Variants in SYTL5 observed in about 807,000 individuals in gnomAD.
SYTL5 encodes the protein synaptotagmin-like protein 5.
Under a neutral mutation model 55.9 loss-of-function variants are expected in SYTL5, and 34 were observed. That is an observed-to-expected ratio of 0.61 (90% CI 0.46 to 0.81). The LOEUF is 0.81. SYTL5 is among the 30% of genes least tolerant of loss of function. The pLI is 0.00. For missense variants in SYTL5, 637 were observed against 546.7 expected (o/e 1.17, Z -1.65); for synonymous variants, 221 against 188.7 (o/e 1.17, Z -1.40).
chrX:38,076,618 C>T lies in SYTL5; in HGVS notation c.606C>T (p.Pro202=), dbSNP rs1401332928. Reference sequence around the variant, plus strand: ...CAACCAGAGGAGAAATCATAACTCCCAAAACTGACACTGGGCGGAGCTATA... The same window carrying T: ...CAACCAGAGGAGAAATCATAACTCCTAAAACTGACACTGGGCGGAGCTATA... ...RSATRGEIIT[P]KTDTGRSYSL... The change falls in exon 6 of 17, where the codon CCC becomes CCT. Residue 202 remains proline (P), a synonymous_variant. Transcript: ENST00000297875. 8.3e-7 allele frequency: 1 copy of T among 1,208,726 alleles called. No homozygotes were observed. Among genetic ancestry groups the T allele is most frequent in the Non-Finnish European group, 1.1e-6 (1 of 893,236 alleles).
At chrX:38,010,152 A>G (rs535429366) in intron 1 of SYTL5, among the ~76,000 whole-genome samples, 1 of 112,554 alleles carries the variant, frequency 8.9e-6, no homozygotes, top group African/African-American at 3.2e-5. Context: ...GGGGATAACA[A>G]TAGTTTCTAC....
chrX:37,890,264 A>G, the SYTL5 span, among the ~76,000 whole-genome samples: 1 of 110,765 alleles, frequency 9.0e-6, no homozygotes, highest in Non-Finnish European at 1.9e-5. Flanking sequence ...AAAGGTAATC[A>G]CTCCAGCACC....
the SYTL5 span, among the ~76,000 whole-genome samples, chrX:37,911,838 T>G: frequency 8.9e-6 from 1 of 112,185 alleles, no homozygotes; most frequent in Admixed American, 9.4e-5. Context: ...GTATATTGTA[T>G]ACACACAGGT....
intron 13 of SYTL5, among the ~76,000 whole-genome samples, chrX:38,118,339 ATT>A (rs771513881): frequency 9.0e-6 from 1 of 110,648 alleles, no homozygotes; most frequent in Non-Finnish European, 1.9e-5. Context: ...AGTATTTTTA[ATT>A]TTTTTTTACT....
At chrX:38,019,101 A>C (rs1387814011) in intron 1 of SYTL5, among the ~76,000 whole-genome samples, 2 of 112,676 alleles carry the variant, frequency 1.8e-5, no homozygotes, top group African/African-American at 6.4e-5. Context: ...TCTTTCTTCA[A>C]ATAAAATCCT....
In SYTL5 at chrX:38,033,965, AAG is replaced by A; in HGVS notation, c.82_83del (p.Asp28Ter). On this transcript the variant is annotated frameshift_variant, in exon 2 of 17. Transcript: ENST00000297875. LOFTEE classifies it high-confidence loss of function. The stretch of plus-strand genomic sequence containing the variant: ...GAAGGAAATGATCCTGGGCGTCCTA[AAG>A]AGAGATGAATATTTGAAAAAAGTGG... ...HEKEMILGVL[K>X]RDEYLKKVED... The A allele has an allele frequency of 8.4e-7, 1 of 1,191,928 alleles. No individual in the cohort carries two copies. The highest frequency in any genetic ancestry group is 1.1e-6 in the Non-Finnish European group (1 of 880,937).
the SYTL5 span, among the ~76,000 whole-genome samples, chrX:37,935,931 G>C: frequency 8.9e-6 from 1 of 112,068 alleles, no homozygotes; most frequent in East Asian, 2.8e-4. Context: ...GAATTAAACA[G>C]CATAACGGAT....
chrX:37,951,699 G>T, the SYTL5 span, among the ~76,000 whole-genome samples: 1 of 111,453 alleles, frequency 9.0e-6, no homozygotes, highest in African/African-American at 3.3e-5. Context: ...AGTAAAAATT[G>T]TAAGGCAGGA....
chrX:38,095,033 T>A (rs1310040072), intron 8 of SYTL5, among the ~76,000 whole-genome samples: 3 of 111,937 alleles, frequency 2.7e-5, no homozygotes, highest in Non-Finnish European at 3.8e-5. Context: ...ATTTTGAAGC[T>A]TATGTCCCAT....
Position 38,106,696 on chromosome X carries a change from C to G in SYTL5, c.1259C>G (p.Thr420Ser), listed in dbSNP as rs368550002. Residue 420 changes from threonine to serine, a missense_variant, in exon 11 of 17, where the codon ACT (threonine) becomes AGT (serine). Coordinates refer to ENST00000297875, the MANE Select transcript of SYTL5 (RefSeq NM_138780.3). ...CTCCATATCAGCTACTGCTACAAAACTGGTGGGCTGTACATTTTTGTCAAG... is the reference window on the plus strand; with the variant it reads ...CTCCATATCAGCTACTGCTACAAAAGTGGTGGGCTGTACATTTTTGTCAAG... ...ILLHISYCYKTGGLYIFVKNC... is the reference protein window; with the variant it reads ...ILLHISYCYKSGGLYIFVKNC... The G allele has an allele frequency of 1.2e-5, 14 of 1,208,908 alleles. No individual in the cohort carries two copies. Among genetic ancestry groups the G allele is most frequent in the Non-Finnish European group, 1.6e-5 (14 of 894,422 alleles).
At chrX:38,003,610 A>T (rs1906929432), upstream of SYTL5, among the ~76,000 whole-genome samples, 1 of 111,945 alleles carries the variant, frequency 8.9e-6, no homozygotes, top group African/African-American at 3.2e-5. Flanking sequence ...TTCCATGCTC[A>T]TGGGTAGGAA....
intron 2 of SYTL5, among the ~76,000 whole-genome samples, chrX:38,045,304 T>C (rs1935425310): frequency 8.9e-6 from 1 of 112,529 alleles, no homozygotes. Context: ...GCACATTTAA[T>C]GTTTCTGGAA....
At position 38,106,579 on chromosome X, in the gene SYTL5, CT is replaced by C. The variant is rs200805172; in HGVS notation, c.1156-12del. ...AATGACACTAGAAGCCTTTTTCCAT[CT>C]TGTTTATTCCAGACCAGCCTTAACA... is the stretch of plus-strand genomic sequence containing the variant. On this transcript the variant is annotated splice_polypyrimidine_tract_variant and intron_variant, in intron 10 of 16. Coordinates refer to ENST00000297875, the MANE Select transcript of SYTL5 (RefSeq NM_138780.3). The C allele has an allele frequency of 0.042, 48,034 of 1,156,308 alleles. 811 individuals are homozygous for C. Among genetic ancestry groups the C allele is most frequent in the Non-Finnish European group, 0.049 (42,727 of 870,452 alleles).
At position 38,108,583 on chromosome X, in the gene SYTL5, T is replaced by C. The variant is rs1937273022; in HGVS notation, c.1335-17T>C. On this transcript the variant is annotated splice_polypyrimidine_tract_variant and intron_variant, in intron 11 of 16. Transcript: ENST00000297875. ...AGATGTTTCACAATAATTACATTTA[T>C]ATTTTCTTATCTATAGTTATGTCAA... 9.2e-7 allele frequency: 1 copy of C among 1,085,503 alleles called. No individual in the cohort carries two copies. The highest frequency in any genetic ancestry group is 1.3e-6 in the Non-Finnish European group (1 of 797,003). The allele number at this position is 1,085,503 out of a possible 1,213,427, so 89.5% of individuals were successfully genotyped here.
In SYTL5 at chrX:38,102,350, G is replaced by A. The variant is rs1350534376; in HGVS notation, c.1071G>A (p.Leu357=). ...TTCCCTTTCTTTTTTAGGACTCCTT[G>A]GAAGAGACTGAAGAAAGCATTGATG... ...SVPGALDKDS[L]EETEESIDAL... The change falls in exon 10 of 17, where the codon TTG becomes TTA. Residue 357 remains leucine, a synonymous_variant. Coordinates refer to ENST00000297875, the MANE Select transcript of SYTL5 (RefSeq NM_138780.3). 8.3e-7 allele frequency: 1 copy of A among 1,200,675 alleles called. No homozygotes were observed. Among genetic ancestry groups the A allele is most frequent in the South Asian group, 1.8e-5 (1 of 56,379 alleles).
chrX:38,008,930 C>G (rs759820844), intron 1 of SYTL5, among the ~76,000 whole-genome samples: 2 of 111,950 alleles, frequency 1.8e-5, no homozygotes, highest in Admixed American at 9.5e-5. Flanking sequence ...TTATATATCT[C>G]CAGTCTAGTT....
At chrX:37,986,651 A>C in the SYTL5 span, among the ~76,000 whole-genome samples, 1 of 111,335 alleles carries the variant, frequency 9.0e-6, no homozygotes, top group Non-Finnish European at 1.9e-5. Flanking sequence ...CCCCGCTTTG[A>C]GAACCTCATT....
the SYTL5 span, among the ~76,000 whole-genome samples, chrX:37,912,704 ATTATC>A: frequency 8.9e-6 from 1 of 112,106 alleles, no homozygotes; most frequent in Non-Finnish European, 1.9e-5. Context: ...TTTTATTTAT[ATTATC>A]TTATTTTTCC....
At chrX:38,086,651 A>C (rs1936666990) in intron 6 of SYTL5, among the ~76,000 whole-genome samples, 1 of 112,109 alleles carries the variant, frequency 8.9e-6, no homozygotes, top group Admixed American at 9.5e-5. Flanking sequence ...GCTTTTTCTT[A>C]GTTGACCTTT....
Sources: gnomAD v4.1 joint callset for allele counts (sites outside exome capture counted in the v4.1 genomes callset) on GRCh38, gnomAD v4.1.1 for gene constraint, MANE v1.5 for transcripts, NCBI Gene and HGNC (gene_info 2026-07-23, HGNC 2026-07-21) for gene names.